Variants in KIAA1217 observed in about 807,000 individuals in gnomAD.
KIAA1217 encodes the protein sickle tail protein homolog.
KIAA1217 carries 88 observed loss-of-function variants against 163.9 expected under a neutral mutation model. That is an observed-to-expected ratio of 0.54 (90% CI 0.45 to 0.64). KIAA1217 has a LOEUF of 0.64. KIAA1217 is among the 30% of genes least tolerant of loss of function. The pLI, the probability that KIAA1217 is intolerant of heterozygous loss-of-function variation, is 0.00. For missense variants in KIAA1217, 2,372 were observed against 2,475.0 expected, an observed-to-expected ratio of 0.96 and a Z score of 0.88; for synonymous variants, 903 against 923.1, an observed-to-expected ratio of 0.98 and a Z score of 0.39.
At chr10:24,413,011 T>C (rs1277175792) in intron 3 of KIAA1217, among the ~76,000 whole-genome samples, 2 of 152,244 alleles carry the variant, frequency 1.3e-5, no homozygotes, top group East Asian at 3.8e-4. Flanking sequence ...TTCGATCTCA[T>C]TTCATATCTA....
intron 5 of KIAA1217, among the ~76,000 whole-genome samples, chr10:24,464,217 T>C (rs10764472): frequency 0.15 from 23,360 of 152,208 alleles, 2,151 homozygotes; most frequent in South Asian, 0.32. Context: ...TAACTCATCC[T>C]GATTCACCGC....
chr10:23,789,211 T>C (rs562927158), intron 1 of KIAA1217, among the ~76,000 whole-genome samples: 10 of 152,302 alleles, frequency 6.6e-5, no homozygotes, highest in African/African-American at 2.4e-4. Flanking sequence ...GCATCAGTAT[T>C]AGAGGCTTGT....
chr10:24,459,143 T>C (rs770350160), intron 5 of KIAA1217, among the ~76,000 whole-genome samples: 5 of 152,182 alleles, frequency 3.3e-5, no homozygotes, highest in Non-Finnish European at 5.9e-5. Flanking sequence ...ACTCACTGGT[T>C]GGGTCGGTAG....
intron 2 of KIAA1217, among the ~76,000 whole-genome samples, chr10:24,139,782 C>A (rs2063979150): frequency 6.6e-6 from 1 of 151,960 alleles, no homozygotes; most frequent in African/African-American, 2.4e-5. Context: ...ATTCTAAGAC[C>A]CCCAGTGAAT....
intron 2 of KIAA1217, among the ~76,000 whole-genome samples, chr10:24,366,231 G>A (rs2050764612): frequency 6.6e-6 from 1 of 152,134 alleles, no homozygotes; most frequent in African/African-American, 2.4e-5. Context: ...GATCACTTGA[G>A]GTTAGGAGTT....
intron 1 of KIAA1217, among the ~76,000 whole-genome samples, chr10:23,897,089 G>A (rs369787555): frequency 3.9e-5 from 6 of 152,014 alleles, no homozygotes; most frequent in South Asian, 2.1e-4. Context: ...CTCTGCAAGC[G>A]TTCATATAGT....
At chr10:23,942,488 A>T (rs1264704567) in intron 1 of KIAA1217, among the ~76,000 whole-genome samples, 1 of 152,248 alleles carries the variant, frequency 6.6e-6, no homozygotes. Context: ...ATCAGAAATT[A>T]TACGTTATGA....
At chr10:24,370,996 A>G (rs2051564769) in intron 2 of KIAA1217, among the ~76,000 whole-genome samples, 1 of 152,252 alleles carries the variant, frequency 6.6e-6, no homozygotes, top group Non-Finnish European at 1.5e-5. Context: ...CAGACTTGGA[A>G]CTTACCGATG....
At chr10:23,939,459 T>C (rs1207096277) in intron 1 of KIAA1217, among the ~76,000 whole-genome samples, 1 of 152,108 alleles carries the variant, frequency 6.6e-6, no homozygotes, top group African/African-American at 2.4e-5. Flanking sequence ...CTATATTAAA[T>C]ATCAAATGCA....
intron 2 of KIAA1217, among the ~76,000 whole-genome samples, chr10:24,016,756 T>G (rs1847496291): frequency 6.6e-6 from 1 of 152,060 alleles, no homozygotes; most frequent in Non-Finnish European, 1.5e-5. Context: ...TTTCCTCATG[T>G]AAAAATAAGC....
chr10:24,303,387 G>A (rs1590773747), intron 2 of KIAA1217, among the ~76,000 whole-genome samples: 2 of 152,274 alleles, frequency 1.3e-5, no homozygotes, highest in South Asian at 2.1e-4. Flanking sequence ...AAGCCTGGAA[G>A]CAGGGAGACC....
At chr10:24,434,001 C>G (rs1024036096) in intron 4 of KIAA1217, among the ~76,000 whole-genome samples, 2 of 142,022 alleles carry the variant, frequency 1.4e-5, no homozygotes, top group African/African-American at 5.2e-5. Context: ...AAAAGCATCT[C>G]TCTCTCCCTC....
At chr10:24,383,957 C>T (rs2053654410) in intron 3 of KIAA1217, among the ~76,000 whole-genome samples, 1 of 152,244 alleles carries the variant, frequency 6.6e-6, no homozygotes, top group Non-Finnish European at 1.5e-5. Flanking sequence ...GGGAAACTCC[C>T]CGCCTGCCTG....
chr10:23,862,296 AATGCACAGATTATAAAT>A (rs1397024945), intron 1 of KIAA1217, among the ~76,000 whole-genome samples: 1 of 152,198 alleles, frequency 6.6e-6, no homozygotes, highest in Non-Finnish European at 1.5e-5. Flanking sequence ...GTGGAATTTT[AATGCACAGATTATAAAT>A]ATGCCTGTTG....
chr10:23,733,808 A>G (rs1237624626), intron 1 of KIAA1217, among the ~76,000 whole-genome samples: 5 of 152,188 alleles, frequency 3.3e-5, no homozygotes, highest in Non-Finnish European at 7.3e-5. Context: ...GTTAATTTGC[A>G]GTAACTTACT....
intron 2 of KIAA1217, among the ~76,000 whole-genome samples, chr10:24,378,625 G>C (rs1035484518): frequency 1.5e-5 from 2 of 131,312 alleles, no homozygotes; most frequent in African/African-American, 7.0e-5. Context: ...GTTCCAAAAT[G>C]CTATTTTGAC....
intron 3 of KIAA1217, among the ~76,000 whole-genome samples, chr10:24,429,423 C>T (rs1253763986): frequency 6.6e-6 from 1 of 152,144 alleles, no homozygotes; most frequent in African/African-American, 2.4e-5. Context: ...ATCTCTTTTA[C>T]CCAAATCTCC....
chr10:24,020,546 G>A (rs571838303), intron 2 of KIAA1217, among the ~76,000 whole-genome samples: 1 of 152,162 alleles, frequency 6.6e-6, no homozygotes. Context: ...GCCTTTCAGA[G>A]AGACCACAGA....
At chr10:24,441,466 C>G (rs979780348) in intron 5 of KIAA1217, among the ~76,000 whole-genome samples, 1 of 152,104 alleles carries the variant, frequency 6.6e-6, no homozygotes, top group African/African-American at 2.4e-5. Flanking sequence ...AACAGTCTTC[C>G]CAGAGCGGTT....
Sources: allele counts gnomAD v4.1 joint callset (sites outside exome capture counted in the v4.1 genomes callset), GRCh38; gene constraint gnomAD v4.1.1; transcripts MANE v1.5; gene names NCBI Gene and HGNC (gene_info 2026-07-23, HGNC 2026-07-21).